Variants in SWT1 observed in about 807,000 individuals in gnomAD.
SWT1 encodes the protein transcriptional protein SWT1.
SWT1 carries 33 observed loss-of-function variants against 107.3 expected under a neutral mutation model. That is an observed-to-expected ratio of 0.31 (90% confidence interval 0.23 to 0.41). The LOEUF is 0.41. Ranked by LOEUF, SWT1 falls within the 10% of genes least tolerant of loss-of-function variation. SWT1 has a pLI of 1.00. For synonymous variants in SWT1, 345 were observed against 348.3 expected, an observed-to-expected ratio of 0.99 and a Z score of 0.11; for missense variants, 898 against 1,028.9, an observed-to-expected ratio of 0.87 and a Z score of 1.74.
chr1:185,221,186 C>G (rs1659632703), intron 14 of SWT1, among the ~76,000 whole-genome samples: 1 of 152,190 alleles, frequency 6.6e-6, no homozygotes, highest in Admixed American at 6.5e-5. Flanking sequence ...CTCCCTGGAT[C>G]TAGTCTTTGG....
rs535261173 is a variant in SWT1, at chr1:185,206,777, A to G, written c.1972+14A>G. ...ATCTCCGTAAAGGTATGAATCTTTTATTTTTCTCTTTAGCAGTGTTGTATT... is the reference window on the plus strand; with the variant it reads ...ATCTCCGTAAAGGTATGAATCTTTTGTTTTTCTCTTTAGCAGTGTTGTATT... On this transcript the variant is annotated intron_variant, in intron 13 of 18. Transcript: ENST00000367500. 6.4e-7 allele frequency: 1 copy of G among 1,566,336 alleles called. No homozygotes were observed. The highest frequency in any genetic ancestry group is 2.0e-5 in the Admixed American group (1 of 50,592).
chr1:185,165,645 A>G (rs1654505965), intron 2 of SWT1, among the ~76,000 whole-genome samples: 1 of 152,208 alleles, frequency 6.6e-6, no homozygotes, highest in African/African-American at 2.4e-5. Flanking sequence ...AATACTTTCC[A>G]GTGTTTTTCC....
At chr1:185,199,181 C>A (rs1406611917) in intron 10 of SWT1, among the ~76,000 whole-genome samples, 2 of 152,088 alleles carry the variant, frequency 1.3e-5, no homozygotes, top group African/African-American at 4.8e-5. Context: ...CGTGATCCAC[C>A]CACCTTGGCC....
intron 9 of SWT1, among the ~76,000 whole-genome samples, chr1:185,189,908 G>A (rs1180758689): frequency 1.3e-5 from 2 of 151,068 alleles, no homozygotes; most frequent in Non-Finnish European, 2.9e-5. Flanking sequence ...GAGTGCAGTG[G>A]CGGGATCTCA....
chr1:185,251,747 TCAGA>T (rs1206584909), intron 16 of SWT1, among the ~76,000 whole-genome samples: 4 of 151,456 alleles, frequency 2.6e-5, no homozygotes, highest in African/African-American at 9.7e-5. Flanking sequence ...ATCTATCCAA[TCAGA>T]CAATTTGTTT....
intron 16 of SWT1, among the ~76,000 whole-genome samples, chr1:185,254,716 C>A (rs1337320437): frequency 6.6e-6 from 1 of 151,096 alleles, no homozygotes. Flanking sequence ...TTTGTTGATC[C>A]TTTCAAAAAA....
At chr1:185,165,025 C>G (rs1157872827) in intron 2 of SWT1, among the ~76,000 whole-genome samples, 2 of 152,156 alleles carry the variant, frequency 1.3e-5, no homozygotes, top group African/African-American at 2.4e-5. Flanking sequence ...CTTCCTTTCA[C>G]TTGAACACTT....
chr1:185,269,006 C>G (rs577905742), intron 16 of SWT1, among the ~76,000 whole-genome samples: 2 of 152,052 alleles, frequency 1.3e-5, no homozygotes, highest in African/African-American at 4.8e-5. Context: ...GCGCCCGCCA[C>G]TACGCCCGGC....
intron 5 of SWT1, among the ~76,000 whole-genome samples, chr1:185,179,470 G>A (rs1259692962): frequency 6.6e-6 from 1 of 152,122 alleles, no homozygotes; most frequent in Non-Finnish European, 1.5e-5. Flanking sequence ...GAATTTGGAG[G>A]GAGATTTTCA....
chr1:185,186,683 G>A (rs114648155), intron 9 of SWT1, among the ~76,000 whole-genome samples: 5,413 of 151,762 alleles, frequency 0.036, 313 homozygotes, highest in African/African-American at 0.12. Context: ...ATGAATAGAG[G>A]TGATATTTAC....
At chr1:185,178,123 C>T (rs1005782762) in intron 5 of SWT1, among the ~76,000 whole-genome samples, 2 of 152,144 alleles carry the variant, frequency 1.3e-5, no homozygotes, top group African/African-American at 4.8e-5. Context: ...GAAGGGCTCA[C>T]TAAAGTGGTG....
At chr1:185,171,628 G>A (rs1303564174) in intron 4 of SWT1, 4 of 527,296 alleles carry the variant, frequency 7.6e-6, no homozygotes, top group Non-Finnish European at 1.5e-5. Context: ...CTTCTATGGG[G>A]TGGGTGCAAT....
intron 18 of SWT1, among the ~76,000 whole-genome samples, chr1:185,280,170 A>T (rs909533677): frequency 1.3e-5 from 2 of 152,030 alleles, no homozygotes; most frequent in Non-Finnish European, 2.9e-5. Context: ...TTGAAATCTG[A>T]TGGTTTTATA....
intron 10 of SWT1, among the ~76,000 whole-genome samples, chr1:185,191,244 C>T (rs369925124): frequency 1.7e-4 from 26 of 152,146 alleles, no homozygotes; most frequent in East Asian, 1.3e-3. Flanking sequence ...CCCTCCTTCT[C>T]CCTTCCCCCT....
rs12564568 is a variant in SWT1 at position 185,255,394 on chromosome 1, A to G, written c.2442-15929A>G. Among the ~76,000 whole-genome samples, 192 of 139,542 alleles carry G rather than the reference A, an allele frequency of 1.4e-3. 6 individuals are homozygous for G. In the East Asian group the frequency reaches 0.033, roughly 24 times the overall value. 91.5% of individuals were successfully genotyped at this position (139,542 alleles called of 152,430 possible). A position where few individuals can be genotyped will look rare whatever the true frequency, so the allele number is the denominator to read the frequency against. ...TGACAGTGGGGTGTTAAAATCTCCC[A>G]TTATTAATGTGTGGGAGTCTAAGTC... is the stretch of plus-strand genomic sequence containing the variant. On this transcript the variant is annotated intron_variant, in intron 16 of 18. Coordinates refer to ENST00000367500, the MANE Select transcript of SWT1 (RefSeq NM_017673.7).
At chr1:185,218,039 A>G (rs576029486) in intron 14 of SWT1, among the ~76,000 whole-genome samples, 2 of 152,346 alleles carry the variant, frequency 1.3e-5, no homozygotes, top group East Asian at 3.9e-4. Flanking sequence ...CCCAGTTGCC[A>G]AAAAGGTTGG....
At chr1:185,204,519 C>G (rs1432367814) in intron 11 of SWT1, among the ~76,000 whole-genome samples, 181 bp from the exon 12 acceptor site, 1 of 151,882 alleles carries the variant, frequency 6.6e-6, no homozygotes, top group Non-Finnish European at 1.5e-5. Context: ...TATGTTGCAT[C>G]TAAAGCAACT....
At chr1:185,192,075 T>A (rs1353620125) in intron 10 of SWT1, among the ~76,000 whole-genome samples, 3 of 152,206 alleles carry the variant, frequency 2.0e-5, no homozygotes, top group Non-Finnish European at 2.9e-5. Context: ...ATGATGATAA[T>A]GTCAATTGAT....
intron 13 of SWT1, among the ~76,000 whole-genome samples, chr1:185,214,213 T>C (rs915977713): frequency 4.5e-4 from 69 of 152,302 alleles, no homozygotes; most frequent in African/African-American, 1.6e-3. Context: ...GGTGATTTTC[T>C]CTTTTTTCTG....
Sources: allele counts gnomAD v4.1 joint callset (sites outside exome capture counted in the v4.1 genomes callset), GRCh38; gene constraint gnomAD v4.1.1; transcripts MANE v1.5; gene names NCBI Gene and HGNC (gene_info 2026-07-23, HGNC 2026-07-21).